Variants in RPS6KC1 observed in about 807,000 individuals in gnomAD.
RPS6KC1 encodes the protein ribosomal protein S6 kinase C1.
RPS6KC1 carries 54 observed loss-of-function variants against 103.8 expected under a neutral mutation model. That is an observed-to-expected ratio of 0.52 (90% CI 0.42 to 0.65). The LOEUF is 0.65. Among genes scored for constraint, RPS6KC1 ranks in the 30% least tolerant of loss-of-function variants. The probability of loss-of-function intolerance (pLI) is 0.00; values close to 1 mark genes in which losing one functional copy is unlikely to be tolerated. For synonymous variants in RPS6KC1, 439 were observed against 438.7 expected (o/e 1.00, Z -0.01); for missense variants, 1,151 against 1,253.8 (o/e 0.92, Z 1.24).
intron 8 of RPS6KC1, among the ~76,000 whole-genome samples, chr1:213,225,577 C>T (rs917686664): frequency 6.6e-6 from 1 of 152,006 alleles, no homozygotes; most frequent in African/African-American, 2.4e-5. Context: ...TTAGTAGAGA[C>T]GAGGTTTCAC....
chr1:213,514,515 T>C, the RPS6KC1 span, among the ~76,000 whole-genome samples: 41 of 152,034 alleles, frequency 2.7e-4, no homozygotes, highest in South Asian at 5.6e-3. Context: ...TTGCTGAGAA[T>C]GATGGTTTCC....
At chr1:213,136,754 A>G (rs2086313091) in intron 6 of RPS6KC1, among the ~76,000 whole-genome samples, 1 of 152,206 alleles carries the variant, frequency 6.6e-6, no homozygotes, top group South Asian at 2.1e-4. Context: ...TGGCATCCAG[A>G]TCAAGGAGCA....
chr1:213,057,954 G>A (rs2148314834), intron 1 of RPS6KC1, among the ~76,000 whole-genome samples: 1 of 150,146 alleles, frequency 6.7e-6, no homozygotes, highest in South Asian at 2.1e-4. Context: ...TTTAAATAGA[G>A]ACCCAGTTTC....
At chr1:213,773,691 C>T in the RPS6KC1 span, among the ~76,000 whole-genome samples, 3 of 152,194 alleles carry the variant, frequency 2.0e-5, no homozygotes, top group East Asian at 5.8e-4. Flanking sequence ...TCAGGAGTTC[C>T]TGTTGCAGAC....
chr1:213,150,950 C>G lies in RPS6KC1; in HGVS notation c.836-16908C>G, dbSNP rs543223625. 2.0e-5 allele frequency among the ~76,000 whole-genome samples: 3 copies of G among 150,836 alleles called. No homozygotes were observed. In the South Asian group the frequency reaches 6.3e-4, roughly 32 times the overall value. On this transcript the variant is annotated intron_variant, in intron 6 of 14. Coordinates refer to ENST00000366960, the MANE Select transcript of RPS6KC1 (RefSeq NM_012424.6). ...AGCTGGCCGGGCAGGGGGGCTGACC[C>G]CCCCACCTCCCTCCCGGATGGGGCG...
chr1:213,338,012 G>A, the RPS6KC1 span, among the ~76,000 whole-genome samples: 1 of 152,164 alleles, frequency 6.6e-6, no homozygotes, highest in Non-Finnish European at 1.5e-5. Flanking sequence ...CTGCATGTAT[G>A]GTTGAGAGTG....
chr1:213,774,372 T>C, the RPS6KC1 span, among the ~76,000 whole-genome samples: 3,797 of 152,220 alleles, frequency 0.025, 75 homozygotes, highest in South Asian at 0.047. Context: ...ACTAAAGGGC[T>C]GACATGATCC....
At chr1:213,747,259 T>G in the RPS6KC1 span, among the ~76,000 whole-genome samples, 4 of 152,086 alleles carry the variant, frequency 2.6e-5, no homozygotes, top group Non-Finnish European at 4.4e-5. Context: ...CTGGTTCAAG[T>G]GCTGCCAAGA....
the RPS6KC1 span, among the ~76,000 whole-genome samples, chr1:213,390,581 C>G: frequency 6.6e-6 from 1 of 152,156 alleles, no homozygotes; most frequent in Non-Finnish European, 1.5e-5. Context: ...CTGCTTGTAA[C>G]GGCTGGAGGA....
chr1:213,353,072 T>A, the RPS6KC1 span, among the ~76,000 whole-genome samples: 84 of 152,330 alleles, frequency 5.5e-4, no homozygotes, highest in Middle Eastern at 6.8e-3. Context: ...GGAATGTACT[T>A]GCTCATACTG....
At chr1:213,384,242 C>G in the RPS6KC1 span, among the ~76,000 whole-genome samples, 2 of 151,818 alleles carry the variant, frequency 1.3e-5, no homozygotes, top group Admixed American at 1.3e-4. Flanking sequence ...TGCCACTGCA[C>G]TCCAGCCTGA....
chr1:213,764,657 C>G, the RPS6KC1 span, among the ~76,000 whole-genome samples: 2 of 152,108 alleles, frequency 1.3e-5, no homozygotes, highest in Non-Finnish European at 2.9e-5. Context: ...AGTGGACGCT[C>G]TTGGGGACAG....
the RPS6KC1 span, among the ~76,000 whole-genome samples, chr1:213,682,733 C>T: frequency 1.3e-5 from 2 of 152,166 alleles, no homozygotes; most frequent in Non-Finnish European, 2.9e-5. Context: ...AGTGCAACAA[C>T]AATATATGGT....
intron 6 of RPS6KC1, among the ~76,000 whole-genome samples, chr1:213,164,249 AT>A (rs2148123339): frequency 6.6e-6 from 1 of 152,334 alleles, no homozygotes; most frequent in Non-Finnish European, 1.5e-5. Flanking sequence ...GAATTTCTGG[AT>A]TCCGTTATCT....
intron 12 of RPS6KC1, among the ~76,000 whole-genome samples, chr1:213,251,504 T>C (rs898059973): frequency 6.6e-6 from 1 of 152,178 alleles, no homozygotes; most frequent in Non-Finnish European, 1.5e-5. Context: ...CACTGGAAGG[T>C]GTCCATTCCA....
intron 5 of RPS6KC1, among the ~76,000 whole-genome samples, chr1:213,117,922 T>C (rs1203711495): frequency 6.7e-6 from 1 of 149,224 alleles, no homozygotes; most frequent in Admixed American, 6.8e-5. Context: ...CTAGGGAGGC[T>C]GAGGCACAAG....
In RPS6KC1 at chr1:213,261,493, A is replaced by T. The variant is rs1007750014; in HGVS notation, c.2912-65A>T. 2.1e-6 allele frequency: 3 copies of T among 1,404,036 alleles called. No individual in the cohort carries two copies. The African/African-American group carries it at 4.2e-5, about 20-fold the overall frequency. 87.0% of individuals were successfully genotyped at this position (1,404,036 alleles called of 1,614,324 possible). A position where few individuals can be genotyped will look rare whatever the true frequency, so the allele number is the denominator to read the frequency against. On this transcript the variant is annotated intron_variant, in intron 12 of 14. Coordinates refer to ENST00000366960, the MANE Select transcript of RPS6KC1 (RefSeq NM_012424.6). ...ATTAAAAAGGTCACCTTGCTAATAC[A>T]TGTTAATTTTGAAAGTTTAATTGAC...
At chr1:213,182,872 C>A (rs867854536) in intron 8 of RPS6KC1, among the ~76,000 whole-genome samples, 3 of 145,906 alleles carry the variant, frequency 2.1e-5, no homozygotes, top group African/African-American at 7.7e-5. Context: ...GTATATATAT[C>A]ATATATGATG....
chr1:213,075,869 A>G (rs1419994580), intron 2 of RPS6KC1, among the ~76,000 whole-genome samples: 1 of 152,128 alleles, frequency 6.6e-6, no homozygotes, highest in East Asian at 1.9e-4. Context: ...TTGTCAGTCT[A>G]CTGACCACTT....
Sources: allele counts gnomAD v4.1 joint callset (sites outside exome capture counted in the v4.1 genomes callset), GRCh38; gene constraint gnomAD v4.1.1; transcripts MANE v1.5; gene names NCBI Gene and HGNC (gene_info 2026-07-23, HGNC 2026-07-21).